Variants in SYT1 observed in about 807,000 individuals in gnomAD.
SYT1 encodes synaptotagmin-1.
In SYT1, 8 loss-of-function variants were observed where a neutral mutation model predicts 44.8. That is an observed-to-expected ratio of 0.18 (90% confidence interval 0.10 to 0.32). The LOEUF is 0.32. SYT1 is among the 10% of genes least tolerant of loss of function. The pLI is 1.00. For synonymous variants in SYT1, 154 were observed against 188.8 expected (o/e 0.82, Z 1.51); for missense variants, 286 against 509.3 (o/e 0.56, Z 4.22).
intron 3 of SYT1, among the ~76,000 whole-genome samples, chr12:79,063,583 G>T (rs1254877665): frequency 6.6e-6 from 1 of 152,026 alleles, no homozygotes; most frequent in African/African-American, 2.4e-5. Context: ...GGGGGAAGGA[G>T]AACCTTATAG....
In SYT1 at chr12:79,386,758, A is replaced by G. The variant is rs73354764; in HGVS notation, c.928+33139A>G. On this transcript the variant is annotated intron_variant, in intron 9 of 10. Coordinates refer to ENST00000261205, the MANE Select transcript of SYT1 (RefSeq NM_005639.3). ...CTCAGTGCCTGTTCCTGAAGTTATT[A>G]GTTTCCAAGTCTCCTCAATGCCTAG... Among the ~76,000 whole-genome samples the G allele has an allele frequency of 4.7e-3, 710 of 152,284 alleles. 7 individuals carry two copies. The highest frequency in any genetic ancestry group is 0.016 in the African/African-American group (676 of 41,554).
chr12:79,145,749 T>TTG (rs1555201853), intron 3 of SYT1, among the ~76,000 whole-genome samples: 119 of 145,002 alleles, frequency 8.2e-4, no homozygotes, highest in African/African-American at 2.7e-3. Context: ...TTTTTTTTTT[T>TTG]TTTGTTTGTT....
At chr12:79,180,488 T>TA (rs398116641) in intron 3 of SYT1, among the ~76,000 whole-genome samples, 1,517 of 23,672 alleles carry the variant, frequency 0.064, 28 homozygotes, top group African/African-American at 0.18. Flanking sequence ...TTTTTTTTTT[T>TA]AAAAAAAGGA....
At chr12:78,904,698 A>G (rs1263696990) in intron 1 of SYT1, among the ~76,000 whole-genome samples, 1 of 152,160 alleles carries the variant, frequency 6.6e-6, no homozygotes, top group Non-Finnish European at 1.5e-5. Context: ...GCTCCATTAC[A>G]TGAGTAATAT....
intron 8 of SYT1, among the ~76,000 whole-genome samples, chr12:79,313,433 T>C (rs1235220640): frequency 2.0e-5 from 3 of 152,200 alleles, no homozygotes; most frequent in Admixed American, 2.0e-4. Flanking sequence ...TTTATACATT[T>C]GTAACAGATA....
chr12:79,420,499 AAGG>A (rs1869040164), intron 9 of SYT1, among the ~76,000 whole-genome samples: 1 of 152,102 alleles, frequency 6.6e-6, no homozygotes, highest in South Asian at 2.1e-4. Flanking sequence ...AGTATCTTAG[AAGG>A]ACAGACAATA....
At chr12:79,043,031 G>A (rs1223154663) in intron 2 of SYT1, among the ~76,000 whole-genome samples, 10 of 146,304 alleles carry the variant, frequency 6.8e-5, no homozygotes, top group African/African-American at 2.6e-4. Context: ...TTGCTGAGGA[G>A]AGCTTTACTT....
intron 1 of SYT1, among the ~76,000 whole-genome samples, chr12:78,946,776 T>A (rs1001204541): frequency 6.6e-6 from 1 of 152,132 alleles, no homozygotes; most frequent in Non-Finnish European, 1.5e-5. Context: ...CTAAACTCAG[T>A]AAATCTATAG....
At chr12:79,184,265 AG>A (rs1252320488) in intron 3 of SYT1, among the ~76,000 whole-genome samples, 1 of 152,078 alleles carries the variant, frequency 6.6e-6, no homozygotes, top group Non-Finnish European at 1.5e-5. Flanking sequence ...AAAAAAACAT[AG>A]GTTGTAATGT....
chr12:79,014,935 A>G (rs1871700751), intron 2 of SYT1, among the ~76,000 whole-genome samples: 1 of 152,230 alleles, frequency 6.6e-6, no homozygotes, highest in East Asian at 1.9e-4. Context: ...ATTGGAAATC[A>G]TCATTCTCAG....
At chr12:78,920,694 A>G (rs186066336) in intron 1 of SYT1, among the ~76,000 whole-genome samples, 54 of 152,080 alleles carry the variant, frequency 3.6e-4, no homozygotes, top group African/African-American at 1.2e-3. Flanking sequence ...CGGCAATTCA[A>G]AACCTTCTAT....
intron 3 of SYT1, among the ~76,000 whole-genome samples, chr12:79,173,511 C>T (rs1292411840): frequency 6.6e-6 from 1 of 151,946 alleles, no homozygotes; most frequent in Non-Finnish European, 1.5e-5. Context: ...CCCCATCACT[C>T]GGTTGGAATA....
intron 4 of SYT1, among the ~76,000 whole-genome samples, chr12:79,264,023 G>A (rs1055502995): frequency 2.6e-5 from 4 of 152,022 alleles, no homozygotes; most frequent in African/African-American, 9.7e-5. Flanking sequence ...ATCAGAGATT[G>A]GATTAATAAA....
intron 4 of SYT1, among the ~76,000 whole-genome samples, chr12:79,258,552 C>G (rs528055906): frequency 6.6e-6 from 1 of 152,236 alleles, no homozygotes; most frequent in East Asian, 1.9e-4. Context: ...GATTTTGACT[C>G]TAAAGCATGA....
intron 3 of SYT1, among the ~76,000 whole-genome samples, chr12:79,101,558 G>A (rs1878447527): frequency 6.6e-6 from 1 of 152,092 alleles, no homozygotes; most frequent in African/African-American, 2.4e-5. Flanking sequence ...CAATGTGAAT[G>A]TAGTTAATGG....
chr12:79,449,334 T>C lies in SYT1; in HGVS notation c.*210T>C. On this transcript the variant is annotated 3_prime_UTR_variant, in exon 11 of 11. Coordinates refer to ENST00000261205, the MANE Select transcript of SYT1 (RefSeq NM_005639.3). Reference sequence around the variant, plus strand: ...TACCACTGCCCTCCAAATCTACTCTTCTTTTAAGCAATATGATGTGTAGAT... The same window carrying C: ...TACCACTGCCCTCCAAATCTACTCTCCTTTTAAGCAATATGATGTGTAGAT... 1.8e-6 allele frequency: 1 copy of C among 570,762 alleles called. No individual in the cohort carries two copies. The highest frequency in any genetic ancestry group is 3.1e-6 in the Non-Finnish European group (1 of 321,530). The allele number at this position is 570,762 out of a possible 1,614,324, so 35.4% of individuals were successfully genotyped here.
At chr12:79,427,114 A>T (rs1869499299) in intron 9 of SYT1, among the ~76,000 whole-genome samples, 1 of 152,240 alleles carries the variant, frequency 6.6e-6, no homozygotes, top group South Asian at 2.1e-4. Flanking sequence ...TGTCTTCATT[A>T]GCAGTGTGAA....
intron 2 of SYT1, among the ~76,000 whole-genome samples, chr12:79,019,546 T>C (rs112830896): frequency 6.6e-6 from 1 of 152,002 alleles, no homozygotes; most frequent in Non-Finnish European, 1.5e-5. Context: ...TCTGTATAGA[T>C]GTAATTATCA....
chr12:79,082,203 T>C (rs1359333964), intron 3 of SYT1, among the ~76,000 whole-genome samples: 3 of 152,162 alleles, frequency 2.0e-5, no homozygotes, highest in Admixed American at 1.3e-4. Flanking sequence ...AGTTTTGTCA[T>C]TTTTTAATCT....
Sources: gnomAD v4.1 joint callset for allele counts (sites outside exome capture counted in the v4.1 genomes callset) on GRCh38, gnomAD v4.1.1 for gene constraint, MANE v1.5 for transcripts, NCBI Gene and HGNC (gene_info 2026-07-23, HGNC 2026-07-21) for gene names.